Variants in USP37 observed in about 807,000 individuals in gnomAD.
USP37 encodes the protein ubiquitin specific peptidase 37.
A neutral mutation model predicts 124.0 loss-of-function variants in USP37; 27 were observed. That is an observed-to-expected ratio of 0.22 (90% CI 0.16 to 0.30). The LOEUF is 0.30. Ranked by LOEUF, USP37 falls within the 10% of genes least tolerant of loss-of-function variation. The probability of loss-of-function intolerance (pLI) is 1.00; values close to 1 mark genes in which losing one functional copy is unlikely to be tolerated. For synonymous variants in USP37, 365 were observed against 388.0 expected, an observed-to-expected ratio of 0.94 and a Z score of 0.70; for missense variants, 889 against 1,140.4, an observed-to-expected ratio of 0.78 and a Z score of 3.17.
chr2:218,519,593 G>A (rs1331666535), intron 10 of USP37, among the ~76,000 whole-genome samples: 2 of 151,710 alleles, frequency 1.3e-5, no homozygotes, highest in Non-Finnish European at 1.5e-5. Flanking sequence ...CTCCCTTCTC[G>A]GTTTGGTAAT....
rs1319415398 is a variant in USP37, at chr2:218,492,902, T to G, written c.1472+2858A>C. ...TGCTCGTAGTCCTGGCTACTCTAGA[T>G]GCTGAGGTGGGAAGGATTGCTTAAG... On this transcript the variant is annotated intron_variant, in intron 14 of 25. Transcript: ENST00000258399. Among the ~76,000 whole-genome samples the G allele has an allele frequency of 2.0e-5, 3 of 151,992 alleles. No individual in the cohort carries two copies. In the East Asian group the frequency reaches 5.8e-4, roughly 29 times the overall value.
chr2:218,516,247 T>C (rs767061001), intron 10 of USP37, among the ~76,000 whole-genome samples: 68 of 152,202 alleles, frequency 4.5e-4, no homozygotes, highest in Admixed American at 3.3e-3. Context: ...CATAAGTTTA[T>C]TGCAGCACTA....
At chr2:218,526,624 T>C (rs1690981173) in intron 10 of USP37, among the ~76,000 whole-genome samples, 1 of 152,116 alleles carries the variant, frequency 6.6e-6, no homozygotes, top group African/African-American at 2.4e-5. Context: ...TGTTGTTTGG[T>C]ATTTTTTGAG....
intron 10 of USP37, among the ~76,000 whole-genome samples, chr2:218,520,662 G>A (rs1690559189): frequency 6.6e-6 from 1 of 152,088 alleles, no homozygotes; most frequent in East Asian, 1.9e-4. Context: ...CTTGCCAACA[G>A]TTTTACAAAA....
intron 24 of USP37, among the ~76,000 whole-genome samples, 171 bp from the exon 25 acceptor site, chr2:218,455,889 T>C (rs1382203796): frequency 1.3e-5 from 2 of 151,672 alleles, no homozygotes; most frequent in Non-Finnish European, 2.9e-5. Flanking sequence ...CTACTAAAAA[T>C]ACAAAAATTA....
At chr2:218,486,101 C>A in intron 15 of USP37, 1 of 180,834 alleles carries the variant, frequency 5.5e-6, no homozygotes, top group East Asian at 1.4e-4. Context: ...ATGGCCATAG[C>A]AGAGATAAGA....
At chr2:218,556,781 G>A (rs1351670540) in intron 4 of USP37, among the ~76,000 whole-genome samples, 1 of 151,950 alleles carries the variant, frequency 6.6e-6, no homozygotes, top group Non-Finnish European at 1.5e-5. Flanking sequence ...CCAAAGTGCT[G>A]GGATTACAGA....
intron 8 of USP37, among the ~76,000 whole-genome samples, chr2:218,536,312 A>G (rs1691643652): frequency 6.6e-6 from 1 of 152,138 alleles, no homozygotes; most frequent in Admixed American, 6.5e-5. Flanking sequence ...GTGGCAGACA[A>G]TGCCTAAGTG....
intron 10 of USP37, among the ~76,000 whole-genome samples, chr2:218,521,451 C>T (rs1328071529): frequency 6.6e-6 from 1 of 152,176 alleles, no homozygotes; most frequent in Non-Finnish European, 1.5e-5. Context: ...TTAAGCCCCG[C>T]ATGCATTACA....
At chr2:218,560,040 T>C (rs1387777866) in intron 3 of USP37, among the ~76,000 whole-genome samples, 2 of 151,650 alleles carry the variant, frequency 1.3e-5, no homozygotes, top group East Asian at 3.9e-4. Context: ...AATAATCGGA[T>C]GTGTAAAACT....
In USP37 at chr2:218,553,551, A is replaced by G; in HGVS notation, c.328+2T>C. On this transcript the variant is annotated splice_donor_variant, in intron 5 of 25. Coordinates refer to ENST00000258399, the MANE Select transcript of USP37 (RefSeq NM_020935.3). LOFTEE classifies it high-confidence loss of function. ...TTAGACCCTGGGGTGATTAGTACTC[A>G]CCTGCAGGAAGTCTGTTTTGATGGA... is the stretch of plus-strand genomic sequence containing the variant. 1 of 1,611,460 alleles carries G rather than the reference A, an allele frequency of 6.2e-7. No individual in the cohort carries two copies. The highest frequency in any genetic ancestry group is 1.1e-5 in the South Asian group (1 of 90,724).
chr2:218,476,779 T>C lies in USP37; in HGVS notation c.2043+61A>G, dbSNP rs989950986. ...GTTTGATGATGGTTATGAAAGACAT[T>C]TGTTTGGACAGTAAGAGATAAACAA... On this transcript the variant is annotated intron_variant, in intron 19 of 25. Coordinates refer to ENST00000258399, the MANE Select transcript of USP37 (RefSeq NM_020935.3). 5.3e-6 allele frequency: 8 copies of C among 1,497,762 alleles called. No individual in the cohort carries two copies. In the Admixed American group the frequency reaches 1.9e-4, roughly 36 times the overall value. 92.8% of individuals were successfully genotyped at this position (1,497,762 alleles called of 1,614,324 possible).
intron 11 of USP37, among the ~76,000 whole-genome samples, chr2:218,506,502 G>T (rs1039433452): frequency 9.3e-5 from 14 of 151,036 alleles, no homozygotes; most frequent in African/African-American, 3.4e-4. Flanking sequence ...TACTGGTCAG[G>T]TTGGTCTCGA....
intron 22 of USP37, 139 bp downstream of exon 22, chr2:218,463,167 C>T (rs943775236): frequency 1.2e-6 from 1 of 846,032 alleles, no homozygotes; most frequent in Non-Finnish European, 1.8e-6. Context: ...AGGCTCTCCC[C>T]CACAATAAAC....
intron 3 of USP37, among the ~76,000 whole-genome samples, chr2:218,559,637 C>A (rs997733880): frequency 1.3e-5 from 2 of 152,102 alleles, no homozygotes; most frequent in Non-Finnish European, 2.9e-5. Context: ...TTAACAAATA[C>A]TCAAGTTTCC....
At chr2:218,530,142 T>A in intron 9 of USP37, 102 bp from the exon 10 acceptor site, 2 of 789,410 alleles carry the variant, frequency 2.5e-6, no homozygotes, top group Non-Finnish European at 3.8e-6. Context: ...ATTTAACTCT[T>A]TTTCCTTCTC....
intron 11 of USP37, among the ~76,000 whole-genome samples, chr2:218,508,281 T>TC (rs1253659327): frequency 6.3e-4 from 96 of 152,180 alleles, no homozygotes; most frequent in African/African-American, 2.3e-3. Flanking sequence ...TTTTTTCTTT[T>TC]TTTTTTTTAA....
intron 11 of USP37, among the ~76,000 whole-genome samples, chr2:218,502,630 T>C (rs1452933785): frequency 1.3e-5 from 2 of 152,030 alleles, no homozygotes; most frequent in African/African-American, 2.4e-5. Context: ...ATAAAACTGC[T>C]AAAAATTAGC....
chr2:218,478,362 A>G (rs148743702), intron 18 of USP37, among the ~76,000 whole-genome samples: 25 of 152,356 alleles, frequency 1.6e-4, no homozygotes, highest in Non-Finnish European at 3.1e-4. Context: ...AAACCTGAAC[A>G]TATTAATTTG....
Sources: gnomAD v4.1 joint callset for allele counts (sites outside exome capture counted in the v4.1 genomes callset) on GRCh38, gnomAD v4.1.1 for gene constraint, MANE v1.5 for transcripts, NCBI Gene and HGNC (gene_info 2026-07-23, HGNC 2026-07-21) for gene names.